The following CFHR5 variants were observed in gnomAD, a reference collection of about 807,000 sequenced individuals.
The protein encoded by CFHR5 is complement factor H related 5.
In CFHR5, 73 loss-of-function variants were observed where a neutral mutation model predicts 62.9. The observed-to-expected ratio is 1.16, with a 90% CI of 0.96 to 1.41. The LOEUF (loss-of-function observed/expected upper bound fraction) is 1.41. Among genes scored for constraint, CFHR5 ranks in the 40% most tolerant of loss-of-function variants. The pLI, the probability that CFHR5 is intolerant of heterozygous loss-of-function variation, is 0.00. For synonymous variants in CFHR5, 249 were observed against 227.2 expected, an observed-to-expected ratio of 1.10 and a Z score of -0.86; for missense variants, 779 against 679.9, an observed-to-expected ratio of 1.15 and a Z score of -1.62.
intron 3 of CFHR5, among the ~76,000 whole-genome samples, chr1:196,987,881 A>G (rs1653737921): frequency 6.6e-6 from 1 of 152,140 alleles, no homozygotes; most frequent in South Asian, 2.1e-4. Flanking sequence ...TGAACTTTAA[A>G]GTAGTTTTGT....
chr1:196,990,497 A>T (rs556604481), intron 3 of CFHR5, among the ~76,000 whole-genome samples: 1 of 152,152 alleles, frequency 6.6e-6, no homozygotes, highest in South Asian at 2.1e-4. Flanking sequence ...ATGTTTTTGC[A>T]GGGGCTGGTA....
chr1:197,005,423 A>G (rs1654261113), intron 9 of CFHR5, among the ~76,000 whole-genome samples: 1 of 152,138 alleles, frequency 6.6e-6, no homozygotes, highest in Non-Finnish European at 1.5e-5. Context: ...GCCAATATAC[A>G]TATTAAGTTT....
At chr1:196,993,011 AT>A (rs1192411083) in intron 3 of CFHR5, among the ~76,000 whole-genome samples, 1 of 152,164 alleles carries the variant, frequency 6.6e-6, no homozygotes, top group Non-Finnish European at 1.5e-5. Context: ...GAATTAATAT[AT>A]AATTTTATAA....
rs950506025 is a variant in CFHR5, at chr1:196,984,119, C to G, written c.412C>G (p.Pro138Ala). 3 of 1,611,542 alleles carry G rather than the reference C, an allele frequency of 1.9e-6. No homozygotes were observed. The African/African-American group carries it at 4.0e-5, about 22-fold the overall frequency. The change falls in exon 3 of 10, where the codon CCC becomes GCC. Residue 138 changes from proline (P) to alanine (A), a missense_variant. By Grantham distance (27) the Pro-to-Ala change is conservative. Transcript: ENST00000256785. ...TGTAGAACGGGGCTGGTCCACTCCT[C>G]CCATATGCAGCTTCACTAGTAAGCA... is the stretch of plus-strand genomic sequence containing the variant. ...SCVERGWSTP[P>A]ICSFTKGECH...
In CFHR5 at chr1:196,998,117, AT is replaced by A. The variant is rs992472424; in HGVS notation, c.971-5del. Reference sequence around the variant, plus strand: ...AATTGTTTAGTTTCTATTTAATATTATTTTTTATAGCAACACACCAACTTAA... The same window carrying A: ...AATTGTTTAGTTTCTATTTAATATTATTTTTATAGCAACACACCAACTTAA... On this transcript the variant is annotated splice_polypyrimidine_tract_variant and intron_variant, in intron 6 of 9. Coordinates refer to ENST00000256785, the MANE Select transcript of CFHR5 (RefSeq NM_030787.4). 6 of 1,473,902 alleles carry A rather than the reference AT, an allele frequency of 4.1e-6. No homozygotes were observed. The highest frequency in any genetic ancestry group is 1.4e-5 in the African/African-American group (1 of 71,294). The allele number at this position is 1,473,902 out of a possible 1,614,324, so 91.3% of individuals were successfully genotyped here.
chr1:197,007,894 C>T (rs1654332632), intron 9 of CFHR5, among the ~76,000 whole-genome samples: 1 of 146,076 alleles, frequency 6.8e-6, no homozygotes, highest in Non-Finnish European at 1.5e-5. Flanking sequence ...TTGTATGTAA[C>T]ATGTATACAA....
At chr1:196,986,370 T>TG (rs1653681786) in intron 3 of CFHR5, among the ~76,000 whole-genome samples, 2 of 150,880 alleles carry the variant, frequency 1.3e-5, no homozygotes, top group African/African-American at 2.4e-5. Context: ...ATTATTTTCT[T>TG]TTTATATATA....
At chr1:196,977,476 A>G, upstream of CFHR5, 2 of 660,382 alleles carry the variant, frequency 3.0e-6, no homozygotes, top group Non-Finnish European at 2.8e-6. Flanking sequence ...CACTGATTAG[A>G]TACTATTTGC....
chr1:197,008,518 C>G lies in CFHR5; in HGVS notation c.1545C>G (p.Asn515Lys). Reference protein sequence around the residue: ...DPCVVSEENMNKNNIQLKWRN... With the variant: ...DPCVVSEENMKKNNIQLKWRN... ...GTGTGGTATCTGAAGAAAACATGAACAAAAATAACATACAGTTAAAATGGA... is the reference window on the plus strand; with the variant it reads ...GTGTGGTATCTGAAGAAAACATGAAGAAAAATAACATACAGTTAAAATGGA... Residue 515 changes from asparagine (N) to lysine (K), a missense_variant, in exon 10 of 10, where the codon AAC (asparagine) becomes AAG (lysine). Transcript: ENST00000256785. 1.2e-6 allele frequency: 2 copies of G among 1,609,828 alleles called. No individual in the cohort carries two copies. The highest frequency in any genetic ancestry group is 1.7e-6 in the Non-Finnish European group (2 of 1,177,648).
intron 3 of CFHR5, among the ~76,000 whole-genome samples, chr1:196,987,019 C>G (rs181194595): frequency 6.6e-6 from 1 of 152,278 alleles, no homozygotes; most frequent in East Asian, 1.9e-4. Flanking sequence ...TCCACATCCT[C>G]TCTAGAATCT....
intron 3 of CFHR5, among the ~76,000 whole-genome samples, chr1:196,985,631 C>A (rs529358926): frequency 6.6e-6 from 1 of 152,288 alleles, no homozygotes; most frequent in South Asian, 2.1e-4. Context: ...CATGAACAAG[C>A]TCTCTTCATT....
chr1:196,993,807 T>C (rs1653914029), intron 3 of CFHR5, among the ~76,000 whole-genome samples: 1 of 152,150 alleles, frequency 6.6e-6, no homozygotes, highest in Non-Finnish European at 1.5e-5. Context: ...TTAAATAATT[T>C]ACTGTATGAG....
At chr1:196,981,584 T>G (rs1181896169) in intron 1 of CFHR5, among the ~76,000 whole-genome samples, 1 of 152,094 alleles carries the variant, frequency 6.6e-6, no homozygotes, top group Non-Finnish European at 1.5e-5. Flanking sequence ...TACCATATCT[T>G]GCACCATAGT....
Position 197,002,555 on chromosome 1 carries a change from T to C in CFHR5, c.1221T>C (p.Tyr407=). ...NAQNMTTTVN[Y]QDGEKVAVLC... Reference sequence around the variant, plus strand: ...AGAATATGACAACCACAGTGAATTATCAGGATGGAGAAAAAGTAGCTGTTC... The same window carrying C: ...AGAATATGACAACCACAGTGAATTACCAGGATGGAGAAAAAGTAGCTGTTC... The change falls in exon 8 of 10, where the codon TAT becomes TAC. Residue 407 remains tyrosine (Y), a synonymous_variant. Transcript: ENST00000256785. 6.2e-7 allele frequency: 1 copy of C among 1,613,624 alleles called. No homozygotes were observed. Among genetic ancestry groups the C allele is most frequent in the South Asian group, 1.1e-5 (1 of 91,066 alleles).
chr1:196,999,993 G>A (rs1254348288), intron 7 of CFHR5, among the ~76,000 whole-genome samples: 1 of 151,478 alleles, frequency 6.6e-6, no homozygotes, highest in Non-Finnish European at 1.5e-5. Context: ...AGATTAATAA[G>A]CAGAGCTGTC....
Position 197,009,410 on chromosome 1 carries a change from G to A in CFHR5, c.*727G>A, listed in dbSNP as rs1410236364. The A allele has an allele frequency of 6.6e-6, 1 of 152,138 alleles. No homozygotes were observed. The highest frequency in any genetic ancestry group is 1.5e-5 in the Non-Finnish European group (1 of 68,018). 9.4% of individuals were successfully genotyped at this position (152,138 alleles called of 1,614,324 possible). ...AGAAACAGTAAATGTTCTCGCTTCAGTACTTAATTCATCTAATCCCTCCTG... is the reference window on the plus strand; with the variant it reads ...AGAAACAGTAAATGTTCTCGCTTCAATACTTAATTCATCTAATCCCTCCTG... On this transcript the variant is annotated 3_prime_UTR_variant, in exon 10 of 10. Transcript: ENST00000256785.
intron 3 of CFHR5, among the ~76,000 whole-genome samples, chr1:196,989,104 GTA>G: frequency 6.6e-6 from 1 of 152,246 alleles, no homozygotes; most frequent in African/African-American, 2.4e-5. Context: ...TTGGGAGGAT[GTA>G]TGTGTCGAGG....
chr1:197,001,017 A>G (rs1370865837), intron 7 of CFHR5, among the ~76,000 whole-genome samples: 2 of 152,194 alleles, frequency 1.3e-5, no homozygotes, highest in Non-Finnish European at 2.9e-5. Flanking sequence ...AATGTATACT[A>G]ACAATAATAA....
Position 197,002,359 on chromosome 1 carries a change from A to G in CFHR5, c.1148-123A>G, listed in dbSNP as rs1192047557. 2.0e-5 allele frequency: 13 copies of G among 661,992 alleles called. No homozygotes were observed. In the African/African-American group the frequency reaches 2.2e-4, roughly 11 times the overall value. The allele number at this position is 661,992 out of a possible 1,614,324, so 41.0% of individuals were successfully genotyped here. On this transcript the variant is annotated intron_variant, in intron 7 of 9. Transcript: ENST00000256785. ...TTATATATAGGGAGAGAGAAAGAGA[A>G]AGTGATAGAGAGACATAGTGTGTGT...
Sources: gnomAD v4.1 joint callset for allele counts (sites outside exome capture counted in the v4.1 genomes callset) on GRCh38, gnomAD v4.1.1 for gene constraint, MANE v1.5 for transcripts, NCBI Gene and HGNC (gene_info 2026-07-23, HGNC 2026-07-21) for gene names.